Variants in TANGO6 observed in about 807,000 individuals in gnomAD.
TANGO6 encodes transport and golgi organization 6 homolog.
TANGO6 carries 90 observed loss-of-function variants against 114.2 expected under a neutral mutation model. The ratio of observed to expected loss-of-function variants is 0.79; its 90% confidence interval spans 0.66 to 0.94. The LOEUF (loss-of-function observed/expected upper bound fraction) is 0.94, where lower values mean the gene tolerates loss of function less well. TANGO6 is among the 40% of genes least tolerant of loss of function. TANGO6 has a pLI of 0.00. For missense variants in TANGO6, 1,274 were observed against 1,315.3 expected, an observed-to-expected ratio of 0.97 and a Z score of 0.49; for synonymous variants, 477 against 509.8, an observed-to-expected ratio of 0.94 and a Z score of 0.87.
rs551835204 is a variant in TANGO6 at position 68,922,744 on chromosome 16, A to C, written c.2127+3525A>C. On this transcript the variant is annotated intron_variant, in intron 12 of 17. Transcript: ENST00000261778. ...AGCACGAGGCTGAGCAGACCATTCC[A>C]GACCTTCTTTAGGAAAAACCAAAAC... Among the ~76,000 whole-genome samples the C allele has an allele frequency of 2.0e-5, 3 of 152,144 alleles. No individual in the cohort carries two copies. The East Asian group carries it at 5.8e-4, about 29-fold the overall frequency.
chr16:68,928,098 C>G lies in TANGO6; in HGVS notation c.2643+15C>G. On this transcript the variant is annotated intron_variant, in intron 13 of 17. Transcript: ENST00000261778. Reference sequence around the variant, plus strand: ...AGCTTCTCAAGGTGAGTAGAACACACTGTAAAGACACATGGGCACAGGGTG... The same window carrying G: ...AGCTTCTCAAGGTGAGTAGAACACAGTGTAAAGACACATGGGCACAGGGTG... 6.4e-7 allele frequency: 1 copy of G among 1,552,518 alleles called. No homozygotes were observed.
At position 68,860,049 on chromosome 16, in the gene TANGO6, C is replaced by G; in HGVS notation, c.260C>G (p.Ser87Cys). The change falls in exon 2 of 18, where the codon TCT becomes TGT. Residue 87 changes from serine to cysteine, a missense_variant. Ser to Cys is a moderately radical substitution (Grantham distance 112, BLOSUM62 -1). This residue lies in a region of TANGO6 where 114 missense variants were observed against 104.6 expected (regional missense o/e 1.09). Transcript: ENST00000261778. ...IADKAEWPQNSVDVTWSFTSQ... is the reference protein window; with the variant it reads ...IADKAEWPQNCVDVTWSFTSQ... Reference sequence around the variant, plus strand: ...GATAAGGCAGAATGGCCACAAAACTCTGTGGATGTCACTTGGAGTTTTACC... The same window carrying G: ...GATAAGGCAGAATGGCCACAAAACTGTGTGGATGTCACTTGGAGTTTTACC... 6.2e-7 allele frequency: 1 copy of G among 1,614,026 alleles called. No individual in the cohort carries two copies. The highest frequency in any genetic ancestry group is 2.2e-5 in the East Asian group (1 of 44,882).
chr16:68,900,734 A>G (rs1387685185), intron 8 of TANGO6, among the ~76,000 whole-genome samples, 188 bp downstream of exon 8: 1 of 152,172 alleles, frequency 6.6e-6, no homozygotes, highest in African/African-American at 2.4e-5. Flanking sequence ...ATCACAGGGC[A>G]TTGGATACAG....
chr16:68,877,424 C>G (rs1466090623), intron 5 of TANGO6, among the ~76,000 whole-genome samples: 1 of 146,894 alleles, frequency 6.8e-6, no homozygotes, highest in East Asian at 2.0e-4. Context: ...GCCGAGATTG[C>G]ACCACCGTAT....
chr16:69,059,945 C>A (rs1960089864), intron 17 of TANGO6, among the ~76,000 whole-genome samples: 1 of 152,116 alleles, frequency 6.6e-6, no homozygotes, highest in South Asian at 2.1e-4. Flanking sequence ...GACCCACCTG[C>A]CTTCTATGAC....
chr16:68,888,101 G>A (rs1962562978), intron 7 of TANGO6, among the ~76,000 whole-genome samples: 1 of 152,150 alleles, frequency 6.6e-6, no homozygotes, highest in Non-Finnish European at 1.5e-5. Context: ...TGAAAACCTA[G>A]CATAGCCACG....
intron 5 of TANGO6, among the ~76,000 whole-genome samples, chr16:68,875,541 C>T (rs187647945): frequency 2.6e-5 from 4 of 152,090 alleles, no homozygotes; most frequent in South Asian, 2.1e-4. Flanking sequence ...CCGAGGCAGG[C>T]GGATCACCTG....
intron 1 of TANGO6, among the ~76,000 whole-genome samples, chr16:68,847,906 A>G (rs941748257): frequency 5.3e-5 from 8 of 150,644 alleles, no homozygotes; most frequent in African/African-American, 2.0e-4. Context: ...AGGCTGAGGC[A>G]GGAGAATCGC....
intron 15 of TANGO6, among the ~76,000 whole-genome samples, chr16:69,008,681 G>GC (rs1331619898): frequency 2.6e-5 from 4 of 151,824 alleles, no homozygotes; most frequent in African/African-American, 9.7e-5. Flanking sequence ...TGTTCCCCAG[G>GC]CTGGAGTACA....
chr16:69,074,536 G>C lies in TANGO6; in HGVS notation c.3109-8949G>C, dbSNP rs141454004. 7.6e-3 allele frequency among the ~76,000 whole-genome samples: 1,153 copies of C among 151,998 alleles called. 36 individuals are homozygous for C. Among genetic ancestry groups the C allele is most frequent in the East Asian group, 0.053 (274 of 5,176 alleles). Reference sequence around the variant, plus strand: ...CTCTGCTACAAGGACTTGTGATAAAGGATTAATTTTCTCAATTACTATACT... The same window carrying C: ...CTCTGCTACAAGGACTTGTGATAAACGATTAATTTTCTCAATTACTATACT... On this transcript the variant is annotated intron_variant, in intron 17 of 17. Transcript: ENST00000261778.
intron 7 of TANGO6, among the ~76,000 whole-genome samples, chr16:68,885,199 A>G (rs1962524163): frequency 6.6e-6 from 1 of 152,244 alleles, no homozygotes; most frequent in Non-Finnish European, 1.5e-5. Flanking sequence ...CGTGGAGGAT[A>G]ACAAAAGAGT....
intron 7 of TANGO6, among the ~76,000 whole-genome samples, chr16:68,896,685 A>G (rs115542091): frequency 0.015 from 2,337 of 152,250 alleles, 74 homozygotes; most frequent in African/African-American, 0.053. Context: ...TACCGAAGAA[A>G]TTTACTATTA....
At chr16:68,929,451 C>G (rs1274416876) in intron 13 of TANGO6, among the ~76,000 whole-genome samples, 3 of 152,076 alleles carry the variant, frequency 2.0e-5, no homozygotes, top group Admixed American at 2.0e-4. Flanking sequence ...CAAAACTGGC[C>G]GTCTTCCTAA....
intron 14 of TANGO6, among the ~76,000 whole-genome samples, chr16:68,963,202 A>G (rs1019719359): frequency 2.0e-5 from 3 of 150,868 alleles, no homozygotes; most frequent in Non-Finnish European, 4.4e-5. Flanking sequence ...GCTCACTGCA[A>G]CCTCCACCTC....
intron 7 of TANGO6, among the ~76,000 whole-genome samples, chr16:68,888,236 CCTT>C (rs1962564772): frequency 6.6e-6 from 1 of 152,184 alleles, no homozygotes; most frequent in Admixed American, 6.5e-5. Flanking sequence ...TCCATTCTCT[CCTT>C]CTGCTCTGAA....
At chr16:68,901,282 G>A (rs1366665086) in intron 8 of TANGO6, among the ~76,000 whole-genome samples, 2 of 152,142 alleles carry the variant, frequency 1.3e-5, no homozygotes, top group African/African-American at 2.4e-5. Context: ...ATAAATGGTA[G>A]CTATCATTAT....
chr16:68,911,480 G>T (rs752182398), intron 11 of TANGO6, among the ~76,000 whole-genome samples: 1 of 147,036 alleles, frequency 6.8e-6, no homozygotes, highest in African/African-American at 2.5e-5. Context: ...GCAGTGGTGC[G>T]ATCTCGGCTC....
intron 17 of TANGO6, among the ~76,000 whole-genome samples, chr16:69,062,826 T>A (rs1960144360): frequency 6.8e-6 from 1 of 147,272 alleles, no homozygotes; most frequent in Non-Finnish European, 1.5e-5. Context: ...CCAGGCGCAG[T>A]GCCTCATGCC....
At chr16:68,978,715 G>A (rs1296149535) in intron 15 of TANGO6, among the ~76,000 whole-genome samples, 3 of 151,938 alleles carry the variant, frequency 2.0e-5, no homozygotes, top group Admixed American at 6.6e-5. Flanking sequence ...CTTCTCTGCA[G>A]TGGTGGGAGT....
Sources: allele counts gnomAD v4.1 joint callset (sites outside exome capture counted in the v4.1 genomes callset), GRCh38; gene constraint gnomAD v4.1.1; regional missense constraint gnomAD v4.1.1; transcripts MANE v1.5; gene names NCBI Gene and HGNC (gene_info 2026-07-23, HGNC 2026-07-21).